The following KIF1C variants were observed in gnomAD, a reference collection of about 807,000 sequenced individuals.
The protein encoded by KIF1C is kinesin-like protein KIF1C.
Under a neutral mutation model 126.5 loss-of-function variants are expected in KIF1C, and 61 were observed. The observed-to-expected ratio is 0.48, with a 90% confidence interval of 0.39 to 0.60. The LOEUF (loss-of-function observed/expected upper bound fraction) is 0.60, where lower values mean the gene tolerates loss of function less well. Among genes scored for constraint, KIF1C ranks in the 20% least tolerant of loss-of-function variants. The pLI is 0.00. For synonymous variants in KIF1C, 640 were observed against 580.6 expected, an observed-to-expected ratio of 1.10 and a Z score of -1.47; for missense variants, 1,315 against 1,489.2, an observed-to-expected ratio of 0.88 and a Z score of 1.93.
At chr17:5,017,506 G>A (rs1199613843) in intron 18 of KIF1C, among the ~76,000 whole-genome samples, 5 of 151,812 alleles carry the variant, frequency 3.3e-5, no homozygotes, top group African/African-American at 7.3e-5. Flanking sequence ...GGGTTTCGCC[G>A]TGTTAGCCAG....
chr17:5,005,645 A>G (rs1004076806), intron 13 of KIF1C, among the ~76,000 whole-genome samples: 2 of 152,166 alleles, frequency 1.3e-5, no homozygotes, highest in Admixed American at 1.3e-4. Context: ...AGAAAGCAGT[A>G]AGGACTTTTT....
intron 13 of KIF1C, 77 bp downstream of exon 13, chr17:5,005,077 C>T (rs965603419): frequency 8.2e-6 from 13 of 1,585,620 alleles, no homozygotes; most frequent in South Asian, 5.6e-5. Flanking sequence ...TTTGCCCAGT[C>T]CTGGAGCCAG....
chr17:5,001,997 C>G (rs1938133723), intron 5 of KIF1C, 62 bp from the exon 6 acceptor site: 5 of 1,489,950 alleles, frequency 3.4e-6, no homozygotes, highest in Non-Finnish European at 3.7e-6. Flanking sequence ...TGGCCTGTGG[C>G]TGGACACTTT....
rs371887881 is a variant in KIF1C at position 5,002,857 on chromosome 17, C to A, written c.720+15C>A. The stretch of plus-strand genomic sequence containing the variant: ...ACTCGGAGAAGGTGGGATCGCCCCC[C>A]CCCCCACTCCCCCACCGGATGCAAC... On this transcript the variant is annotated intron_variant, in intron 8 of 22. Transcript: ENST00000320785. 6.3e-6 allele frequency: 10 copies of A among 1,580,986 alleles called. No individual in the cohort carries two copies. The highest frequency in any genetic ancestry group is 2.7e-5 in the African/African-American group (2 of 74,022).
At chr17:5,019,212 T>C (rs529134297) in intron 18 of KIF1C, 2 of 167,704 alleles carry the variant, frequency 1.2e-5, no homozygotes, top group African/African-American at 2.4e-5. Flanking sequence ...ATAAAACACA[T>C]GTTTGCATGT....
At chr17:5,000,940 G>A in intron 4 of KIF1C, 92 bp downstream of exon 4, 1 of 1,302,728 alleles carries the variant, frequency 7.7e-7, no homozygotes, top group South Asian at 1.2e-5. Flanking sequence ...GGACCCCCAG[G>A]GGATTAGTCA....
chr17:5,005,044 C>T (rs773867883), intron 13 of KIF1C, 44 bp downstream of exon 13: 21 of 1,611,878 alleles, frequency 1.3e-5, no homozygotes, highest in South Asian at 4.4e-5. Context: ...CCCCTTGGCC[C>T]ACCCCATCCC....
intron 13 of KIF1C, 47 bp downstream of exon 13, chr17:5,005,047 C>A: frequency 6.2e-7 from 1 of 1,611,610 alleles, no homozygotes; most frequent in South Asian, 1.1e-5. Flanking sequence ...CTTGGCCCAC[C>A]CCATCCCTCC....
Position 5,023,561 on chromosome 17 carries a change from A to G in KIF1C, c.2722A>G (p.Met908Val). ...AGAGGAGGCAGCCCCCAGTGACCGC[A>G]TGCCGTCAGCCCGGCCCCCCTCGCC... is the stretch of plus-strand genomic sequence containing the variant. ...AAEEAAPSDR[M>V]PSARPPSPPL... The change falls in exon 23 of 23, where the codon ATG becomes GTG. Residue 908 changes from methionine (M) to valine (V), a missense_variant. Physicochemically the swap from Met to Val is conservative, Grantham distance 21 (BLOSUM62 1). Around this residue, in one of 2 missense-constraint regions of KIF1C, gnomAD observed 441 missense variants for 436.1 expected, o/e 1.01. Coordinates refer to ENST00000320785, the MANE Select transcript of KIF1C (RefSeq NM_006612.6). This position sits in a 1 kb window ranked among gnomAD's most constrained non-coding sequence, Gnocchi z 4.2. 1 of 1,613,642 alleles carries G rather than the reference A, an allele frequency of 6.2e-7. No individual in the cohort carries two copies. Among genetic ancestry groups the G allele is most frequent in the South Asian group, 1.1e-5 (1 of 91,072 alleles).
intron 1 of KIF1C, among the ~76,000 whole-genome samples, chr17:4,999,305 C>A (rs969019381): frequency 1.3e-5 from 2 of 152,150 alleles, no homozygotes; most frequent in African/African-American, 2.4e-5. Flanking sequence ...TCTCCCTTGC[C>A]GACACTGTGG....
chr17:5,000,879 C>T (rs1974572438), intron 4 of KIF1C, 31 bp downstream of exon 4: 3 of 1,591,566 alleles, frequency 1.9e-6, no homozygotes, highest in Non-Finnish European at 2.6e-6. Flanking sequence ...AAGAGCAAGG[C>T]AGTGAGAGAC....
At chr17:5,002,982 C>T (rs1974638685) in intron 8 of KIF1C, 140 bp downstream of exon 8, 4 of 628,428 alleles carry the variant, frequency 6.4e-6, no homozygotes, top group Non-Finnish European at 1.1e-5. Context: ...GACCGCGCCC[C>T]ACCCCTACCC....
chr17:5,008,891 C>G (rs974497746), intron 16 of KIF1C, among the ~76,000 whole-genome samples: 1 of 152,066 alleles, frequency 6.6e-6, no homozygotes, highest in Admixed American at 6.6e-5. Flanking sequence ...ACCACGGTTG[C>G]AAGGATGGAG....
intron 8 of KIF1C, 84 bp downstream of exon 8, chr17:5,002,926 G>A: frequency 1.8e-6 from 2 of 1,089,304 alleles, no homozygotes; most frequent in Non-Finnish European, 2.7e-6. Flanking sequence ...AGGGTCTTGG[G>A]CCCTCCCTGC....
Position 5,020,378 on chromosome 17 carries a change from GT to G in KIF1C, c.1751-113del. 1 of 1,089,164 alleles carries G rather than the reference GT, an allele frequency of 9.2e-7. No homozygotes were observed. 67.5% of individuals were successfully genotyped at this position (1,089,164 alleles called of 1,614,324 possible). A position where few individuals can be genotyped will look rare whatever the true frequency, so the allele number is the denominator to read the frequency against. ...GGCTCCAACTGCCTTCAGACTTGGG[GT>G]GATGAAGGGGAGGGTGTCACAGCCC... On this transcript the variant is annotated intron_variant, in intron 19 of 22. Transcript: ENST00000320785. The surrounding 1 kb of genome is among the most constrained non-coding windows in gnomAD (Gnocchi z 5.8).
chr17:5,003,460 A>G (rs1233234963), intron 8 of KIF1C, 152 bp from the exon 9 acceptor site: 9 of 602,760 alleles, frequency 1.5e-5, no homozygotes, highest in Non-Finnish European at 2.1e-5. Context: ...CACTGTTGTC[A>G]CGTATTCTGT....
chr17:5,023,921 C>T lies in KIF1C; in HGVS notation c.3082C>T (p.His1028Tyr), dbSNP rs1439556561. Residue 1028 changes from histidine (H) to tyrosine (Y), a missense_variant, in exon 23 of 23, where the codon CAT becomes TAT. His to Tyr is a moderately conservative substitution (Grantham distance 83). Transcript: ENST00000320785. This position sits in a 1 kb window ranked among gnomAD's most constrained non-coding sequence, Gnocchi z 4.2. ...GCCTCCGAGTCCCCGAAGGTCCCAC[C>T]ATCCCCGCAGGAACTCCCTGGATGG... Reference protein sequence around the residue: ...RRPPSPRRSHHPRRNSLDGGG... With the variant: ...RRPPSPRRSHYPRRNSLDGGG... 6.4e-7 allele frequency: 1 copy of T among 1,566,082 alleles called. No individual in the cohort carries two copies.
Position 5,026,335 on chromosome 17 carries a change from TGA to T in KIF1C, c.*2186_*2187del. 6.6e-6 allele frequency: 1 copy of T among 152,270 alleles called. No homozygotes were observed. The highest frequency in any genetic ancestry group is 2.1e-4 in the South Asian group (1 of 4,822). The allele number at this position is 152,270 out of a possible 1,614,324, so 9.4% of individuals were successfully genotyped here. ...TTCTGGAGGTCAGAGGGAGCTGAGT[TGA>T]GTGTTACCGAGAATGCTGTGGGGTT... is the stretch of plus-strand genomic sequence containing the variant. On this transcript the variant is annotated 3_prime_UTR_variant, in exon 23 of 23. Transcript: ENST00000320785.
intron 16 of KIF1C, among the ~76,000 whole-genome samples, chr17:5,010,611 G>A (rs866380321): frequency 1.3e-5 from 2 of 151,668 alleles, no homozygotes; most frequent in Middle Eastern, 6.8e-3. Flanking sequence ...GCCGGGCGTG[G>A]TGGCGGGCAC....
Sources: allele counts gnomAD v4.1 joint callset (sites outside exome capture counted in the v4.1 genomes callset), GRCh38; gene constraint gnomAD v4.1.1; regional missense constraint gnomAD v4.1.1; non-coding constraint Gnocchi (gnomAD v3.1); transcripts MANE v1.5; gene names NCBI Gene and HGNC (gene_info 2026-07-23, HGNC 2026-07-21).